The following AKAP6 variants were observed in gnomAD, a reference collection of about 807,000 sequenced individuals.
AKAP6 encodes A-kinase anchor protein 6.
In AKAP6, 58 loss-of-function variants were observed where a neutral mutation model predicts 188.5. That is an observed-to-expected ratio of 0.31 (90% CI 0.25 to 0.38). AKAP6 has a LOEUF of 0.38. AKAP6 is among the 10% of genes least tolerant of loss of function. The pLI is 1.00. For missense variants in AKAP6, 2,710 were observed against 2,740.0 expected (o/e 0.99, Z 0.24); for synonymous variants, 989 against 998.6 (o/e 0.99, Z 0.18).
intron 1 of AKAP6, among the ~76,000 whole-genome samples, chr14:32,353,795 G>A (rs2138458384): frequency 6.6e-6 from 1 of 152,174 alleles, no homozygotes; most frequent in South Asian, 2.1e-4. Context: ...AAAATCACAA[G>A]CATTCTTATA....
chr14:32,800,275 A>T (rs903652662), intron 12 of AKAP6, among the ~76,000 whole-genome samples: 6 of 150,984 alleles, frequency 4.0e-5, no homozygotes, highest in Admixed American at 2.0e-4. Context: ...GGTGGTACAC[A>T]CCTGTAGTCC....
chr14:32,464,803 A>G (rs1222596130), intron 2 of AKAP6, among the ~76,000 whole-genome samples: 5 of 152,198 alleles, frequency 3.3e-5, no homozygotes, highest in Non-Finnish European at 1.5e-5. Flanking sequence ...AGGAAGTCAA[A>G]TTGTCTCTAT....
chr14:32,508,607 T>C (rs1880990644), intron 2 of AKAP6, among the ~76,000 whole-genome samples: 1 of 152,160 alleles, frequency 6.6e-6, no homozygotes, highest in African/African-American at 2.4e-5. Flanking sequence ...CTACAAAGGA[T>C]TGACCACATA....
At chr14:32,345,610 C>A (rs111406058) in intron 1 of AKAP6, among the ~76,000 whole-genome samples, 8 of 152,210 alleles carry the variant, frequency 5.3e-5, no homozygotes, top group African/African-American at 1.9e-4. Flanking sequence ...AGAAAGTATC[C>A]TAAGAAAGGT....
At chr14:32,501,107 G>A (rs574761853) in intron 2 of AKAP6, among the ~76,000 whole-genome samples, 9 of 152,100 alleles carry the variant, frequency 5.9e-5, no homozygotes, top group Admixed American at 2.0e-4. Flanking sequence ...TCATACTTGC[G>A]ATTTTTAAAT....
chr14:32,643,399 C>T (rs1210462018), intron 7 of AKAP6, among the ~76,000 whole-genome samples: 1 of 151,972 alleles, frequency 6.6e-6, no homozygotes, highest in East Asian at 1.9e-4. Context: ...CCTCTGCCTC[C>T]CGGGTTCAAG....
intron 11 of AKAP6, among the ~76,000 whole-genome samples, chr14:32,739,052 A>G (rs1206349459): frequency 1.3e-5 from 2 of 152,156 alleles, no homozygotes; most frequent in Non-Finnish European, 1.5e-5. Context: ...AAAGGAGACC[A>G]TGCTACAATT....
At chr14:32,810,938 G>C (rs140926458) in intron 12 of AKAP6, among the ~76,000 whole-genome samples, 2 of 152,256 alleles carry the variant, frequency 1.3e-5, no homozygotes, top group African/African-American at 4.8e-5. Flanking sequence ...GACAGGCTTA[G>C]TTAAGATGAA....
intron 9 of AKAP6, among the ~76,000 whole-genome samples, chr14:32,711,410 T>C (rs1462706242): frequency 1.3e-5 from 2 of 152,086 alleles, no homozygotes; most frequent in East Asian, 3.9e-4. Context: ...AATTGTTCAT[T>C]GAACCCTACA....
chr14:32,360,798 T>G (rs1431695427), intron 1 of AKAP6, among the ~76,000 whole-genome samples: 1 of 148,714 alleles, frequency 6.7e-6, no homozygotes, highest in Non-Finnish European at 1.5e-5. Flanking sequence ...CAGGCTGGAG[T>G]GCAGTGGCAT....
intron 11 of AKAP6, among the ~76,000 whole-genome samples, chr14:32,759,620 A>C (rs968318618): frequency 1.3e-5 from 2 of 152,194 alleles, no homozygotes; most frequent in African/African-American, 4.8e-5. Flanking sequence ...TGCAGGCTTC[A>C]CAGGAAGCAT....
At chr14:32,674,137 G>A (rs989481428) in intron 7 of AKAP6, among the ~76,000 whole-genome samples, 5 of 152,152 alleles carry the variant, frequency 3.3e-5, no homozygotes, top group South Asian at 2.1e-4. Context: ...AGGCAAGAAA[G>A]GGCTGTTTAA....
At chr14:32,524,305 A>T (rs1197587606) in intron 2 of AKAP6, among the ~76,000 whole-genome samples, 6 of 152,154 alleles carry the variant, frequency 3.9e-5, no homozygotes, top group African/African-American at 1.2e-4. Context: ...AGCCTCTGTG[A>T]TGGAAAGGGG....
At chr14:32,726,320 T>A in intron 9 of AKAP6, 3 of 577,128 alleles carry the variant, frequency 5.2e-6, no homozygotes, top group Non-Finnish European at 6.6e-6. Context: ...TGAAGGGTTC[T>A]GTAAAAGGTT....
In AKAP6 at chr14:32,551,823, C is replaced by G. The variant is rs547926414; in HGVS notation, c.2346+4824C>G. Among the ~76,000 whole-genome samples the G allele has an allele frequency of 6.9e-4, 98 of 141,132 alleles. 1 individual carries two copies. The highest frequency in any genetic ancestry group is 3.0e-3 in the African/African-American group (96 of 32,210). 92.6% of individuals were successfully genotyped at this position (141,132 alleles called of 152,430 possible). On this transcript the variant is annotated intron_variant, in intron 4 of 13. Coordinates refer to ENST00000280979, the MANE Select transcript of AKAP6 (RefSeq NM_004274.5). ...TACAGGTGCCTGCCACCACACCCGG[C>G]TAATTTTTTGTATTTTTTTTTTTTA...
intron 2 of AKAP6, among the ~76,000 whole-genome samples, chr14:32,503,077 T>A (rs572712333): frequency 1.3e-5 from 2 of 152,244 alleles, no homozygotes; most frequent in East Asian, 3.9e-4. Context: ...TAGTGCCTAT[T>A]TCATGTGCCT....
At chr14:32,423,087 T>C (rs35972348) in intron 1 of AKAP6, among the ~76,000 whole-genome samples, 61,751 of 152,030 alleles carry the variant, frequency 0.41, 15,008 homozygotes, top group Middle Eastern at 0.55. Context: ...GTTAGTAGGG[T>C]TTCTGGAAGG....
At chr14:32,738,458 C>T (rs1413404805) in intron 11 of AKAP6, among the ~76,000 whole-genome samples, 2 of 152,126 alleles carry the variant, frequency 1.3e-5, no homozygotes, top group Non-Finnish European at 2.9e-5. Flanking sequence ...GATTTAATAA[C>T]CTTGTTGATG....
At chr14:32,722,436 C>G (rs773831173) in intron 9 of AKAP6, among the ~76,000 whole-genome samples, 25 of 152,102 alleles carry the variant, frequency 1.6e-4, no homozygotes, top group Non-Finnish European at 3.5e-4. Flanking sequence ...AGGGCAGGGT[C>G]CCTGGCAAGG....
Sources: allele counts gnomAD v4.1 joint callset (sites outside exome capture counted in the v4.1 genomes callset), GRCh38; gene constraint gnomAD v4.1.1; transcripts MANE v1.5; gene names NCBI Gene and HGNC (gene_info 2026-07-23, HGNC 2026-07-21).